The following MACROD2 variants were observed in gnomAD, a reference collection of about 807,000 sequenced individuals.
MACROD2 encodes mono-ADP ribosylhydrolase 2.
A neutral mutation model predicts 70.4 loss-of-function variants in MACROD2; 36 were observed. The ratio of observed to expected loss-of-function variants is 0.51; its 90% CI spans 0.39 to 0.68. The LOEUF (loss-of-function observed/expected upper bound fraction) is 0.68. Among genes scored for constraint, MACROD2 ranks in the 30% least tolerant of loss-of-function variants. MACROD2 has a pLI of 0.00. For synonymous variants in MACROD2, 172 were observed against 178.8 expected, an observed-to-expected ratio of 0.96 and a Z score of 0.30; for missense variants, 496 against 538.4, an observed-to-expected ratio of 0.92 and a Z score of 0.78.
intron 3 of MACROD2, among the ~76,000 whole-genome samples, chr20:14,095,980 T>A (rs1278997750): frequency 6.6e-6 from 1 of 152,214 alleles, no homozygotes; most frequent in Non-Finnish European, 1.5e-5. Flanking sequence ...AATAAGATCA[T>A]TCCTCTTCTT....
chr20:14,836,368 A>G (rs1044328573), intron 5 of MACROD2, among the ~76,000 whole-genome samples: 1 of 152,034 alleles, frequency 6.6e-6, no homozygotes, highest in Non-Finnish European at 1.5e-5. Context: ...CCAATGCTCC[A>G]GTTTTATCCA....
intron 3 of MACROD2, among the ~76,000 whole-genome samples, chr20:14,283,863 A>G (rs181461399): frequency 1.9e-4 from 29 of 152,310 alleles, no homozygotes; most frequent in African/African-American, 6.5e-4. Context: ...CTGTATCCCA[A>G]ACTTAAAGTG....
chr20:14,417,066 C>CATCTATCTATCT (rs11405633), intron 3 of MACROD2, among the ~76,000 whole-genome samples: 1 of 132,478 alleles, frequency 7.5e-6, no homozygotes, highest in East Asian at 3.6e-4. Context: ...ATCTATCTAT[C>CATCTATCTATCT]ATCTATCTAT....
At chr20:14,536,793 C>T (rs966725940) in intron 4 of MACROD2, among the ~76,000 whole-genome samples, 2 of 152,062 alleles carry the variant, frequency 1.3e-5, no homozygotes, top group Non-Finnish European at 1.5e-5. Context: ...TTGGGAACAT[C>T]CAAATTGGCA....
chr20:15,883,924 A>G (rs1445087368), intron 9 of MACROD2, among the ~76,000 whole-genome samples: 1 of 152,110 alleles, frequency 6.6e-6, no homozygotes, highest in African/African-American at 2.4e-5. Context: ...TAACAAGTAG[A>G]CTGTGTGATT....
At chr20:14,439,707 C>G (rs1428170861) in intron 3 of MACROD2, among the ~76,000 whole-genome samples, 1 of 152,064 alleles carries the variant, frequency 6.6e-6, no homozygotes, top group African/African-American at 2.4e-5. Context: ...TATTTACTAA[C>G]AGTTGTGAGG....
At chr20:15,078,300 T>C (rs1019810292) in intron 5 of MACROD2, among the ~76,000 whole-genome samples, 6 of 152,290 alleles carry the variant, frequency 3.9e-5, no homozygotes, top group Middle Eastern at 3.4e-3. Context: ...GGAATATCCA[T>C]AGTCCTCCAT....
At chr20:14,710,074 A>G (rs757511724) in intron 5 of MACROD2, among the ~76,000 whole-genome samples, 3 of 152,208 alleles carry the variant, frequency 2.0e-5, no homozygotes, top group South Asian at 2.1e-4. Context: ...ATAAAAGCAA[A>G]TTTGTATAGA....
intron 5 of MACROD2, among the ~76,000 whole-genome samples, chr20:15,046,578 G>A (rs570282943): frequency 5.3e-5 from 8 of 152,294 alleles, no homozygotes; most frequent in African/African-American, 1.4e-4. Flanking sequence ...TATTAAGAAA[G>A]GAGTTAGTGT....
chr20:15,800,432 A>T (rs2063713820), intron 8 of MACROD2, among the ~76,000 whole-genome samples: 1 of 152,166 alleles, frequency 6.6e-6, no homozygotes, highest in South Asian at 2.1e-4. Context: ...TTATATCTAT[A>T]TCTTTAATTC....
rs3045609 is a variant in MACROD2, at chr20:14,789,460, A to ATTTTTTTTTTTTTTTTTTTTTT, written c.418+104512_418+104533dup. ...CTTGTGGATTAATCAGGTAGTGCAA[A>ATTTTTTTTTTTTTTTTTTTTTT]TTTTTTTTTTTTTTTTTTTTTTTTT... On this transcript the variant is annotated intron_variant, in intron 5 of 17. Coordinates refer to ENST00000684519, the MANE Select transcript of MACROD2 (RefSeq NM_001351661.2). Among the ~76,000 whole-genome samples, 10 of 48,362 alleles carry ATTTTTTTTTTTTTTTTTTTTTT rather than the reference A, an allele frequency of 2.1e-4. 1 individual carries two copies. Among genetic ancestry groups the ATTTTTTTTTTTTTTTTTTTTTT allele is most frequent in the African/African-American group, 4.3e-4 (5 of 11,674 alleles). The allele number at this position is 48,362 out of a possible 152,430, so 31.7% of individuals were successfully genotyped here.
At chr20:16,024,890 T>A (rs931345074) in intron 15 of MACROD2, among the ~76,000 whole-genome samples, 2 of 152,218 alleles carry the variant, frequency 1.3e-5, no homozygotes, top group Non-Finnish European at 2.9e-5. Flanking sequence ...GTTTTTTTCC[T>A]CTTTAAAAAG....
chr20:15,356,618 T>A (rs2078290209), intron 6 of MACROD2, among the ~76,000 whole-genome samples: 3 of 152,144 alleles, frequency 2.0e-5, no homozygotes, highest in Admixed American at 1.3e-4. Flanking sequence ...ACTCTGTCTC[T>A]ACTGAAAGTA....
At chr20:15,009,184 G>A (rs1568528733) in intron 5 of MACROD2, among the ~76,000 whole-genome samples, 1 of 152,148 alleles carries the variant, frequency 6.6e-6, no homozygotes. Context: ...TATGATGGGT[G>A]TCCACCCAGG....
intron 3 of MACROD2, among the ~76,000 whole-genome samples, chr20:14,295,980 A>G (rs2082424099): frequency 6.6e-6 from 1 of 151,878 alleles, no homozygotes; most frequent in South Asian, 2.1e-4. Flanking sequence ...TTCTACTTGC[A>G]CATCAATAGA....
At chr20:15,735,387 A>G (rs1043595310) in intron 8 of MACROD2, among the ~76,000 whole-genome samples, 1 of 152,250 alleles carries the variant, frequency 6.6e-6, no homozygotes, top group African/African-American at 2.4e-5. Flanking sequence ...AATTGCTTTT[A>G]ATAAGGACTA....
chr20:15,621,574 T>C (rs2049126294), intron 8 of MACROD2, among the ~76,000 whole-genome samples: 1 of 152,214 alleles, frequency 6.6e-6, no homozygotes, highest in South Asian at 2.1e-4. Context: ...ATACTATAAC[T>C]AGTAACTTAT....
chr20:14,134,510 T>C (rs2054763817), intron 3 of MACROD2, among the ~76,000 whole-genome samples: 1 of 152,096 alleles, frequency 6.6e-6, no homozygotes, highest in South Asian at 2.1e-4. Context: ...TTTTCGTTTA[T>C]AAAGAGAATG....
chr20:14,319,001 G>A (rs773558202), intron 3 of MACROD2, among the ~76,000 whole-genome samples: 1 of 152,142 alleles, frequency 6.6e-6, no homozygotes, highest in Non-Finnish European at 1.5e-5. Flanking sequence ...GTAGGGTAGG[G>A]GAGAGGTGTG....
Sources: allele counts gnomAD v4.1 joint callset (sites outside exome capture counted in the v4.1 genomes callset), GRCh38; gene constraint gnomAD v4.1.1; transcripts MANE v1.5; gene names NCBI Gene and HGNC (gene_info 2026-07-23, HGNC 2026-07-21).